The following KDM2A variants were observed in gnomAD, a reference collection of about 807,000 sequenced individuals.
KDM2A encodes lysine-specific demethylase 2A.
KDM2A carries 3 observed loss-of-function variants against 137.3 expected under a neutral mutation model. The ratio of observed to expected loss-of-function variants is 0.02; its 90% CI spans 0.01 to 0.06. The LOEUF (loss-of-function observed/expected upper bound fraction) is 0.06, where lower values mean the gene tolerates loss of function less well. Ranked by LOEUF, KDM2A falls within the 10% of genes least tolerant of loss-of-function variation. The probability of loss-of-function intolerance (pLI) is 1.00; values close to 1 mark genes in which losing one functional copy is unlikely to be tolerated. For missense variants in KDM2A, 738 were observed against 1,510.6 expected, an observed-to-expected ratio of 0.49 and a Z score of 8.48; for synonymous variants, 512 against 541.5, an observed-to-expected ratio of 0.95 and a Z score of 0.76.
intron 10 of KDM2A, among the ~76,000 whole-genome samples, chr11:67,226,638 T>C (rs1357535315): frequency 2.0e-5 from 3 of 151,000 alleles, no homozygotes; most frequent in Admixed American, 2.0e-4. Flanking sequence ...AGGAGAATGG[T>C]GTGAACCCGG....
At chr11:67,207,262 T>C (rs527658784) in intron 5 of KDM2A, among the ~76,000 whole-genome samples, 7 of 152,288 alleles carry the variant, frequency 4.6e-5, no homozygotes, top group African/African-American at 1.7e-4. Flanking sequence ...AAATGAGACA[T>C]TAGATAAAAG....
intron 6 of KDM2A, among the ~76,000 whole-genome samples, chr11:67,208,069 A>C (rs1471284751): frequency 6.6e-6 from 1 of 152,060 alleles, no homozygotes; most frequent in Non-Finnish European, 1.5e-5. Flanking sequence ...TATACTGGGA[A>C]ATTTTATAAC....
rs552404661 is a variant in KDM2A, at chr11:67,176,460, C to T, written c.43-3619C>T. 5.3e-5 allele frequency among the ~76,000 whole-genome samples: 8 copies of T among 152,290 alleles called. No homozygotes were observed. In the East Asian group the frequency reaches 1.5e-3, roughly 29 times the overall value. ...ATCCTTACCACTACCACTGGCACAT[C>T]CAGTTTCCTGTTGGGTATGTATTCA... On this transcript the variant is annotated intron_variant, in intron 2 of 20. Transcript: ENST00000529006.
chr11:67,198,999 A>AAACTCCTTT (rs1857554182), intron 5 of KDM2A, among the ~76,000 whole-genome samples: 1 of 151,940 alleles, frequency 6.6e-6, no homozygotes, highest in South Asian at 2.1e-4. Context: ...GGGTGATCTT[A>AAACTCCTTT]AACTCCTGAC....
Position 67,250,600 on chromosome 11 carries a change from A to G in KDM2A, c.2570A>G (p.Glu857Gly). The G allele has an allele frequency of 6.2e-7, 1 of 1,612,220 alleles. No homozygotes were observed. The highest frequency in any genetic ancestry group is 8.5e-7 in the Non-Finnish European group (1 of 1,178,754). The change falls in exon 17 of 21, where the codon GAG (glutamate) becomes GGG (glycine). Residue 857 changes from glutamate (E) to glycine (G), a missense_variant. Physicochemically the swap from Glu to Gly is moderately conservative, Grantham distance 98 (BLOSUM62 -2). This residue lies in a region of KDM2A where 244 missense variants were observed against 324.6 expected (regional missense o/e 0.75). Transcript: ENST00000529006. This position sits in a 1 kb window ranked among gnomAD's most constrained non-coding sequence, Gnocchi z 7.1. Reference sequence around the variant, plus strand: ...GATGAGGAGGGGCTGGGGGGAGAGGAGGAGGAAGAGGAGGAGGAGGAGGAG... The same window carrying G: ...GATGAGGAGGGGCTGGGGGGAGAGGGGGAGGAAGAGGAGGAGGAGGAGGAG... The part of the protein sequence containing the change: ...RGDEEGLGGE[E>G]EEEEEEEEED...
chr11:67,180,374 C>A, intron 3 of KDM2A, 157 bp downstream of exon 3: 1 of 602,988 alleles, frequency 1.7e-6, no homozygotes, highest in Non-Finnish European at 2.7e-6. Context: ...TGCACTTATC[C>A]CCCAGTCCTC....
intron 2 of KDM2A, among the ~76,000 whole-genome samples, chr11:67,156,449 T>C (rs1856516579): frequency 6.6e-6 from 1 of 151,008 alleles, no homozygotes; most frequent in South Asian, 2.1e-4. Flanking sequence ...CCAGGCGCGG[T>C]GGCTCTCGGC....
At chr11:67,171,177 TTTGA>T (rs1176941040) in intron 2 of KDM2A, among the ~76,000 whole-genome samples, 5 of 152,140 alleles carry the variant, frequency 3.3e-5, no homozygotes, top group Non-Finnish European at 7.3e-5. Context: ...TTAACATCTG[TTTGA>T]TTGAGATTTG....
At chr11:67,189,193 A>C (rs1181279515) in intron 5 of KDM2A, among the ~76,000 whole-genome samples, 1 of 152,270 alleles carries the variant, frequency 6.6e-6, no homozygotes, top group African/African-American at 2.4e-5. Flanking sequence ...GATTTAAAAA[A>C]TAGATATCAA....
At chr11:67,192,463 AGAT>A (rs1857381460) in intron 5 of KDM2A, among the ~76,000 whole-genome samples, 1 of 20,900 alleles carries the variant, frequency 4.8e-5, no homozygotes, top group East Asian at 1.6e-3. Flanking sequence ...TTTTTTTTTG[AGAT>A]GGAGCATCTC....
chr11:67,245,023 C>A lies in KDM2A; in HGVS notation c.1564-166C>A, dbSNP rs1859163354. 3.7e-5 allele frequency: 24 copies of A among 644,064 alleles called. No homozygotes were observed. Among genetic ancestry groups the A allele is most frequent in the Non-Finnish European group, 5.3e-5 (20 of 378,656 alleles). The allele number at this position is 644,064 out of a possible 1,614,324, so 39.9% of individuals were successfully genotyped here. A position where few individuals can be genotyped will look rare whatever the true frequency, so the allele number is the denominator to read the frequency against. On this transcript the variant is annotated intron_variant, in intron 13 of 20. Coordinates refer to ENST00000529006, the MANE Select transcript of KDM2A (RefSeq NM_012308.3). The surrounding 1 kb of genome is among the most constrained non-coding windows in gnomAD (Gnocchi z 4.1). ...AAAAAGCAGCCATTGATAATACATA[C>A]ACAAGATGAGTTGTGTGTCAATAAA...
intron 5 of KDM2A, chr11:67,197,051 C>T (rs1432041601): frequency 2.0e-5 from 3 of 152,486 alleles, no homozygotes; most frequent in African/African-American, 7.2e-5. Flanking sequence ...TAATAATGAT[C>T]TTTGGAAGCC....
chr11:67,127,906 A>G (rs1047186960), intron 2 of KDM2A, among the ~76,000 whole-genome samples: 4 of 150,306 alleles, frequency 2.7e-5, no homozygotes, highest in Middle Eastern at 3.3e-3. Context: ...GGGTTTCACC[A>G]TGTTAGCCAG....
chr11:67,149,468 T>A (rs1389750677), intron 2 of KDM2A, among the ~76,000 whole-genome samples: 1 of 152,080 alleles, frequency 6.6e-6, no homozygotes, highest in African/African-American at 2.4e-5. Flanking sequence ...TTAAATCTGA[T>A]TTTTTAGTTA....
In KDM2A at chr11:67,164,850, C is replaced by G. The variant is rs997307424; in HGVS notation, c.43-15229C>G. ...CTGATCTCAAGTGATCTACCCACCTCGGCCTCCCAAAGTGCCGGGATTACA... is the reference window on the plus strand; with the variant it reads ...CTGATCTCAAGTGATCTACCCACCTGGGCCTCCCAAAGTGCCGGGATTACA... On this transcript the variant is annotated intron_variant, in intron 2 of 20. Coordinates refer to ENST00000529006, the MANE Select transcript of KDM2A (RefSeq NM_012308.3). 7.2e-5 allele frequency among the ~76,000 whole-genome samples: 11 copies of G among 152,148 alleles called. No individual in the cohort carries two copies. The East Asian group carries it at 1.9e-3, about 27-fold the overall frequency.
Position 67,147,657 on chromosome 11 carries a change from C to T in KDM2A, c.42+26299C>T, listed in dbSNP as rs115989931. On this transcript the variant is annotated intron_variant, in intron 2 of 20. Coordinates refer to ENST00000529006, the MANE Select transcript of KDM2A (RefSeq NM_012308.3). ...AAGGATCAAGGGCTTTCTCTGGAGA[C>T]TGAGTAGTTCCCTTTCATTAGAGAT... Among the ~76,000 whole-genome samples the T allele has an allele frequency of 2.1e-3, 322 of 151,334 alleles. 2 individuals carry two copies. The highest frequency in any genetic ancestry group is 7.5e-3 in the African/African-American group (310 of 41,222).
rs756609261 is a variant in KDM2A at position 67,253,508 on chromosome 11, C to G, written c.2988C>G (p.Ser996Arg). 1.4e-5 allele frequency: 22 copies of G among 1,613,814 alleles called. No homozygotes were observed. Among genetic ancestry groups the G allele is most frequent in the Non-Finnish European group, 1.9e-5 (22 of 1,179,844 alleles). ...GCSWSAVSAL[S>R]TSSCPLLRTL... ...CCTGGTCTGCAGTCTCTGCCCTCAG[C>G]ACCTCCAGCTGCCCCCTTCTCAGGA... Residue 996 changes from serine (S) to arginine (R), a missense_variant, in exon 19 of 21, where the codon AGC (serine) becomes AGG (arginine). Around this residue, in one of 9 missense-constraint regions of KDM2A, gnomAD observed 166 missense variants for 324.0 expected, o/e 0.51. Transcript: ENST00000529006.
rs1423923434 is a variant in KDM2A, at chr11:67,256,333, A to G, written c.*1278A>G. 2 of 152,532 alleles carry G rather than the reference A, an allele frequency of 1.3e-5. No homozygotes were observed. The allele number at this position is 152,532 out of a possible 1,614,324, so 9.4% of individuals were successfully genotyped here. A position where few individuals can be genotyped will look rare whatever the true frequency, so the allele number is the denominator to read the frequency against. On this transcript the variant is annotated 3_prime_UTR_variant, in exon 21 of 21. Coordinates refer to ENST00000529006, the MANE Select transcript of KDM2A (RefSeq NM_012308.3). ...CCAAAGATCCTCTCTCTAGGGCAGC[A>G]GAGAGCTTTTTGCACTTTAAAAAAA...
intron 5 of KDM2A, among the ~76,000 whole-genome samples, chr11:67,192,907 T>C (rs566711638): frequency 2.6e-5 from 4 of 152,316 alleles, no homozygotes; most frequent in African/African-American, 7.2e-5. Context: ...GTTTACACTT[T>C]GTTGAGTCAA....
Sources: allele counts gnomAD v4.1 joint callset (sites outside exome capture counted in the v4.1 genomes callset), GRCh38; gene constraint gnomAD v4.1.1; regional missense constraint gnomAD v4.1.1; non-coding constraint Gnocchi (gnomAD v3.1); transcripts MANE v1.5; gene names NCBI Gene and HGNC (gene_info 2026-07-23, HGNC 2026-07-21).